WDR49: variants seen among roughly 807,000 people sequenced by gnomAD.
The protein encoded by WDR49 is cilia- and flagella-associated protein 337.
In WDR49, 107 loss-of-function variants were observed where a neutral mutation model predicts 119.5. That is an observed-to-expected ratio of 0.90 (90% CI 0.77 to 1.05). WDR49 has a LOEUF of 1.05. Among genes scored for constraint, WDR49 ranks in the 50% least tolerant of loss-of-function variants. The pLI is 0.00. For synonymous variants in WDR49, 425 were observed against 418.8 expected, an observed-to-expected ratio of 1.01 and a Z score of -0.18; for missense variants, 1,240 against 1,220.5, an observed-to-expected ratio of 1.02 and a Z score of -0.24.
intron 2 of WDR49, among the ~76,000 whole-genome samples, chr3:167,634,320 T>TTATTTTGCTACATC (rs1717516295): frequency 6.6e-6 from 1 of 152,046 alleles, no homozygotes; most frequent in South Asian, 2.1e-4. Context: ...TTTGCTACAT[T>TTATTTTGCTACATC]TATTTTGCTA....
Position 167,479,061 on chromosome 3 carries a change from A to G in WDR49, c.3032-65T>C. The G allele has an allele frequency of 8.4e-6, 10 of 1,197,524 alleles. No individual in the cohort carries two copies. In the South Asian group the frequency reaches 8.8e-5, roughly 11 times the overall value. The allele number at this position is 1,197,524 out of a possible 1,614,324, so 74.2% of individuals were successfully genotyped here. A position where few individuals can be genotyped will look rare whatever the true frequency, so the allele number is the denominator to read the frequency against. On this transcript the variant is annotated intron_variant, in intron 18 of 18. Coordinates refer to ENST00000682715, the MANE Select transcript of WDR49 (RefSeq NM_001366157.1). ...GTTAAGAGACCTATTTAAATGAAAT[A>G]GTGGGGAGAAAATTCTCAAATTTTG...
At chr3:167,582,031 C>CGTGTGTGTGTGTGTGT (rs57233824) in intron 7 of WDR49, among the ~76,000 whole-genome samples, 6 of 142,340 alleles carry the variant, frequency 4.2e-5, no homozygotes, top group East Asian at 4.2e-4. Flanking sequence ...GGCATGCTTC[C>CGTGTGTGTGTGTGTGT]GTGTGTGTGT....
Position 167,527,975 on chromosome 3 carries a change from G to A in WDR49, c.2449C>T (p.Pro817Ser). ...NSSKNKITKA[P>S]TLIRSFQPHE... is the part of the protein sequence containing the mutation. Reference sequence around the variant, plus strand: ...GGTTGGAATGATCTTATCAGAGTTGGGGCCTTGGTGATTTTGTTCTTACTG... The same window carrying A: ...GGTTGGAATGATCTTATCAGAGTTGAGGCCTTGGTGATTTTGTTCTTACTG... The change falls in exon 15 of 19, where the codon CCA becomes TCA. Residue 817 changes from proline to serine, a missense_variant. By Grantham distance (74) the Pro-to-Ser change is moderately conservative. Coordinates refer to ENST00000682715, the MANE Select transcript of WDR49 (RefSeq NM_001366157.1). The A allele has an allele frequency of 6.2e-7, 1 of 1,613,002 alleles. No homozygotes were observed. Among genetic ancestry groups the A allele is most frequent in the African/African-American group, 1.3e-5 (1 of 74,904 alleles).
chr3:167,625,318 A>G (rs1167476423), intron 3 of WDR49, among the ~76,000 whole-genome samples: 1 of 152,042 alleles, frequency 6.6e-6, no homozygotes, highest in African/African-American at 2.4e-5. Context: ...AGAGGGTACA[A>G]TTTTTGGTAT....
chr3:167,540,316 G>T (rs1234900534), intron 10 of WDR49, among the ~76,000 whole-genome samples: 2 of 152,134 alleles, frequency 1.3e-5, no homozygotes, highest in Admixed American at 6.5e-5. Flanking sequence ...ACCAGAGCAG[G>T]TGCTGGTACC....
rs773516664 is a variant in WDR49 at position 167,531,159 on chromosome 3, AT to A, written c.2173del (p.Met725Ter). The A allele has an allele frequency of 3.1e-6, 5 of 1,612,532 alleles. No individual in the cohort carries two copies. The highest frequency in any genetic ancestry group is 4.2e-6 in the Non-Finnish European group (5 of 1,179,524). On this transcript the variant is annotated frameshift_variant, in exon 13 of 19. Coordinates refer to ENST00000682715, the MANE Select transcript of WDR49 (RefSeq NM_001366157.1). LOFTEE classifies it high-confidence loss of function. ...EIDTEGKNAV[M>X]RLCFLKARKN... is the part of the protein sequence containing the mutation. ...TCTTGCTTTAAGAAAGCAAAGTCTCATAACAGCATTTTTGCCCTCAGTGTCA... is the reference window on the plus strand; with the variant it reads ...TCTTGCTTTAAGAAAGCAAAGTCTCAAACAGCATTTTTGCCCTCAGTGTCA...
intron 18 of WDR49, among the ~76,000 whole-genome samples, chr3:167,493,945 C>T (rs1362517728): frequency 6.6e-6 from 1 of 152,178 alleles, no homozygotes; most frequent in East Asian, 1.9e-4. Flanking sequence ...CATAGATATC[C>T]AAACTAGAAG....
At chr3:167,564,229 T>C (rs1427586197) in intron 8 of WDR49, among the ~76,000 whole-genome samples, 2 of 152,232 alleles carry the variant, frequency 1.3e-5, no homozygotes. Context: ...TGATTTCATT[T>C]TATGGCAGTC....
intron 5 of WDR49, among the ~76,000 whole-genome samples, chr3:167,613,664 G>A (rs1164292655): frequency 6.6e-6 from 1 of 152,132 alleles, no homozygotes; most frequent in Non-Finnish European, 1.5e-5. Flanking sequence ...GCAATTAGCA[G>A]CTGGTTGTGG....
intron 8 of WDR49, among the ~76,000 whole-genome samples, chr3:167,567,476 G>A (rs1366750388): frequency 6.6e-6 from 1 of 152,116 alleles, no homozygotes; most frequent in African/African-American, 2.4e-5. Flanking sequence ...TGTGCAACAC[G>A]TGGACACAGT....
At chr3:167,571,461 A>G (rs1274590653) in intron 8 of WDR49, among the ~76,000 whole-genome samples, 1 of 152,210 alleles carries the variant, frequency 6.6e-6, no homozygotes, top group Non-Finnish European at 1.5e-5. Flanking sequence ...CTAAGAATTT[A>G]CCTTGAAGAG....
At chr3:167,504,506 C>T (rs1006711290) in intron 17 of WDR49, among the ~76,000 whole-genome samples, 2 of 152,166 alleles carry the variant, frequency 1.3e-5, no homozygotes, top group African/African-American at 2.4e-5. Flanking sequence ...AATGCCTATG[C>T]CCCCATTTTA....
intron 5 of WDR49, among the ~76,000 whole-genome samples, chr3:167,613,652 C>G (rs557046155): frequency 6.6e-6 from 1 of 152,086 alleles, no homozygotes; most frequent in Non-Finnish European, 1.5e-5. Context: ...CTAATTAGTG[C>G]AGCAATTAGC....
chr3:167,567,079 A>G (rs1273162507), intron 8 of WDR49, among the ~76,000 whole-genome samples: 3 of 152,204 alleles, frequency 2.0e-5, no homozygotes, highest in Non-Finnish European at 4.4e-5. Flanking sequence ...AATGTTTCCA[A>G]ACAGTACCAA....
intron 5 of WDR49, among the ~76,000 whole-genome samples, chr3:167,619,890 C>T (rs1325078930): frequency 6.6e-6 from 1 of 151,712 alleles, no homozygotes; most frequent in African/African-American, 2.4e-5. Context: ...TCTGTAGATA[C>T]TGATTTTATA....
chr3:167,612,633 T>A (rs114729964), intron 5 of WDR49, among the ~76,000 whole-genome samples: 316 of 152,110 alleles, frequency 2.1e-3, no homozygotes, highest in African/African-American at 7.4e-3. Context: ...AAAGGAGACA[T>A]TACTACTGAT....
chr3:167,617,034 G>A (rs138911645), intron 5 of WDR49, among the ~76,000 whole-genome samples: 1,548 of 152,216 alleles, frequency 0.01, 14 homozygotes, highest in Middle Eastern at 0.037. Flanking sequence ...TGGTAGGTTT[G>A]GTTCGCAGGG....
rs77760590 is a variant in WDR49 at position 167,566,581 on chromosome 3, G to A, written c.1510-6353C>T. Among the ~76,000 whole-genome samples the A allele has an allele frequency of 5.1e-3, 772 of 151,954 alleles. 8 individuals are homozygous for A. Among genetic ancestry groups the A allele is most frequent in the African/African-American group, 0.018 (733 of 41,460 alleles). On this transcript the variant is annotated intron_variant, in intron 8 of 18. Coordinates refer to ENST00000682715, the MANE Select transcript of WDR49 (RefSeq NM_001366157.1). ...TATCTATTTCAAAGAATAAGTTTAC[G>A]CTGCAACAACATGGGGGTTAGAGAT... is the stretch of plus-strand genomic sequence containing the variant.
At chr3:167,511,759 G>A (rs575656308) in intron 16 of WDR49, among the ~76,000 whole-genome samples, 21 of 152,286 alleles carry the variant, frequency 1.4e-4, no homozygotes, top group Admixed American at 3.9e-4. Flanking sequence ...CCAATCAGCC[G>A]TTTTCCCCTG....
Sources: gnomAD v4.1 joint callset for allele counts (sites outside exome capture counted in the v4.1 genomes callset) on GRCh38, gnomAD v4.1.1 for gene constraint, MANE v1.5 for transcripts, NCBI Gene and HGNC (gene_info 2026-07-23, HGNC 2026-07-21) for gene names.